The following RIMKLB variants were observed in gnomAD, a reference collection of about 807,000 sequenced individuals.
The protein encoded by RIMKLB is beta-citrylglutamate synthase B.
In RIMKLB, 7 loss-of-function variants were observed where a neutral mutation model predicts 32.0. The observed-to-expected ratio is 0.22, with a 90% CI of 0.12 to 0.41. RIMKLB has a LOEUF of 0.41. Among genes scored for constraint, RIMKLB ranks in the 10% least tolerant of loss-of-function variants. The pLI is 1.00. For synonymous variants in RIMKLB, 172 were observed against 185.1 expected, an observed-to-expected ratio of 0.93 and a Z score of 0.57; for missense variants, 289 against 498.7, an observed-to-expected ratio of 0.58 and a Z score of 4.00.
chr12:8,696,278 G>T (rs1040721907), upstream of RIMKLB, among the ~76,000 whole-genome samples: 1 of 152,188 alleles, frequency 6.6e-6, no homozygotes, highest in African/African-American at 2.4e-5. Context: ...TCTTGGAGTT[G>T]AATATACTTT....
chr12:8,763,438 A>G (rs187866340), intron 5 of RIMKLB, among the ~76,000 whole-genome samples: 116 of 152,332 alleles, frequency 7.6e-4, no homozygotes, highest in African/African-American at 2.6e-3. Flanking sequence ...TAATTAGTGT[A>G]TATAATGGCC....
chr12:8,739,007 C>T (rs1339974273), intron 2 of RIMKLB, among the ~76,000 whole-genome samples: 2 of 152,184 alleles, frequency 1.3e-5, no homozygotes, highest in African/African-American at 2.4e-5. Context: ...ACTTAGGATT[C>T]TAGTATTGCT....
chr12:8,757,851 C>T (rs917247679), intron 5 of RIMKLB, among the ~76,000 whole-genome samples: 1 of 152,156 alleles, frequency 6.6e-6, no homozygotes, highest in African/African-American at 2.4e-5. Flanking sequence ...GAGCATACTA[C>T]CTTAGAATTT....
intron 1 of RIMKLB, among the ~76,000 whole-genome samples, chr12:8,701,397 G>A (rs1943382799): frequency 6.6e-6 from 1 of 151,796 alleles, no homozygotes; most frequent in Non-Finnish European, 1.5e-5. Flanking sequence ...CTAATGCCAT[G>A]GTGTTATTTT....
intron 2 of RIMKLB, among the ~76,000 whole-genome samples, chr12:8,718,361 T>C (rs1037504902): frequency 4.6e-5 from 7 of 152,282 alleles, no homozygotes; most frequent in Non-Finnish European, 8.8e-5. Flanking sequence ...AAAATATAAC[T>C]GCGGCTGGGC....
Position 8,773,584 on chromosome 12 carries a change from G to T in RIMKLB, c.961G>T (p.Val321Leu), listed in dbSNP as rs55776242. 3 of 1,614,224 alleles carry T rather than the reference G, an allele frequency of 1.9e-6. No homozygotes were observed. Among genetic ancestry groups the T allele is most frequent in the Non-Finnish European group, 1.7e-6 (2 of 1,180,040 alleles). The change falls in exon 6 of 6, where the codon GTG becomes TTG. Residue 321 changes from valine to leucine, a missense_variant. Transcript: ENST00000535829. ...CACCCGGCGTATGTCCCTGCTCTCC[G>T]TGGTGTCCACTGCCAGTGAGACTAG... is the stretch of plus-strand genomic sequence containing the variant. ...RLTRRMSLLS[V>L]VSTASETSEP...
upstream of RIMKLB, chr12:8,679,519 T>C: frequency 6.0e-6 from 1 of 167,192 alleles, no homozygotes; most frequent in Non-Finnish European, 1.3e-5. Context: ...TGCAGCAGAT[T>C]CCAGGAGTTG....
At chr12:8,745,258 T>G (rs1001961190) in intron 2 of RIMKLB, among the ~76,000 whole-genome samples, 1 of 151,588 alleles carries the variant, frequency 6.6e-6, no homozygotes, top group Non-Finnish European at 1.5e-5. Flanking sequence ...CTTGCTGGTT[T>G]GTTTTTTTAA....
intron 4 of RIMKLB, 74 bp downstream of exon 4, chr12:8,752,117 A>C: frequency 1.0e-6 from 1 of 963,508 alleles, no homozygotes; most frequent in Non-Finnish European, 1.6e-6. Context: ...GACTTTGAAG[A>C]ATAGTTAGAG....
At chr12:8,733,124 T>C (rs757422734) in intron 2 of RIMKLB, among the ~76,000 whole-genome samples, 2 of 152,300 alleles carry the variant, frequency 1.3e-5, no homozygotes, top group African/African-American at 2.4e-5. Context: ...ACATTTTGTT[T>C]GAAACAACTG....
At chr12:8,730,348 AAAGT>A (rs1340856183) in intron 2 of RIMKLB, among the ~76,000 whole-genome samples, 1 of 152,172 alleles carries the variant, frequency 6.6e-6, no homozygotes, top group Non-Finnish European at 1.5e-5. Context: ...TCAGCCTCCC[AAAGT>A]GCTGGGATTA....
At chr12:8,708,560 G>A (rs191771093) in intron 1 of RIMKLB, among the ~76,000 whole-genome samples, 136 of 152,200 alleles carry the variant, frequency 8.9e-4, no homozygotes, top group African/African-American at 3.0e-3. Context: ...GATCCAGTAA[G>A]AAACAACACT....
At chr12:8,716,431 CTT>C (rs11307521) in intron 2 of RIMKLB, among the ~76,000 whole-genome samples, 129 of 81,672 alleles carry the variant, frequency 1.6e-3, no homozygotes, top group East Asian at 2.8e-3. Context: ...ATTAACATGT[CTT>C]TTTTTTTTTT....
At chr12:8,719,677 G>GT (rs1945245409) in intron 2 of RIMKLB, among the ~76,000 whole-genome samples, 3 of 152,232 alleles carry the variant, frequency 2.0e-5, no homozygotes, top group South Asian at 4.2e-4. Context: ...CCTAAGCTGG[G>GT]TTTTTTGTCT....
At chr12:8,668,923 T>C in the RIMKLB span, 1 of 130,214 alleles carries the variant, frequency 7.7e-6, no homozygotes, top group South Asian at 2.3e-4. Context: ...TTGGGCTAGA[T>C]AGATAACTAA....
chr12:8,686,097 C>T (rs909420990), intron 1 of RIMKLB, among the ~76,000 whole-genome samples: 4 of 152,230 alleles, frequency 2.6e-5, no homozygotes, highest in East Asian at 1.9e-4. Flanking sequence ...TGAGCCACCG[C>T]GCCCGGACTA....
downstream of RIMKLB, chr12:8,777,590 C>A (rs1950811327): frequency 7.8e-7 from 1 of 1,287,350 alleles, no homozygotes; most frequent in Non-Finnish European, 1.0e-6. Flanking sequence ...TCTTTACCAG[C>A]CTTTTCAGGA....
Position 8,776,860 on chromosome 12 carries a change from T to C in RIMKLB, c.*3076T>C. 1.0e-6 allele frequency: 1 copy of C among 985,852 alleles called. No individual in the cohort carries two copies. The highest frequency in any genetic ancestry group is 1.2e-6 in the Non-Finnish European group (1 of 829,914). The allele number at this position is 985,852 out of a possible 1,614,324, so 61.1% of individuals were successfully genotyped here. On this transcript the variant is annotated 3_prime_UTR_variant, in exon 6 of 6. Coordinates refer to ENST00000535829, the MANE Select transcript of RIMKLB (RefSeq NM_001297776.2). Reference sequence around the variant, plus strand: ...TTGAGAACATATTGAAGGCATTGACTTTGAAAATCATCTCTTTTTCTCAAG... The same window carrying C: ...TTGAGAACATATTGAAGGCATTGACCTTGAAAATCATCTCTTTTTCTCAAG...
At chr12:8,707,802 GTAT>G (rs1944028958) in intron 1 of RIMKLB, among the ~76,000 whole-genome samples, 1 of 152,204 alleles carries the variant, frequency 6.6e-6, no homozygotes, top group Admixed American at 6.5e-5. Flanking sequence ...TGAAGACCAA[GTAT>G]ATATTTTGTA....
Sources: gnomAD v4.1 joint callset for allele counts (sites outside exome capture counted in the v4.1 genomes callset) on GRCh38, gnomAD v4.1.1 for gene constraint, MANE v1.5 for transcripts, NCBI Gene and HGNC (gene_info 2026-07-23, HGNC 2026-07-21) for gene names.